The following SMC1A variants were observed in gnomAD, a reference collection of about 807,000 sequenced individuals.
The protein encoded by SMC1A is structural maintenance of chromosomes 1A.
A neutral mutation model predicts 94.5 loss-of-function variants in SMC1A; 4 were observed. That is an observed-to-expected ratio of 0.04 (90% CI 0.02 to 0.10). The LOEUF (loss-of-function observed/expected upper bound fraction) is 0.10. Ranked by LOEUF, SMC1A falls within the 10% of genes least tolerant of loss-of-function variation. The pLI is 1.00. For synonymous variants in SMC1A, 345 were observed against 347.7 expected (o/e 0.99, Z 0.09); for missense variants, 304 against 989.0 (o/e 0.31, Z 9.29).
intron 3 of SMC1A, 56 bp from the exon 4 acceptor site, chrX:53,413,491 T>C (rs2075721161): frequency 1.8e-6 from 2 of 1,082,509 alleles, no homozygotes; most frequent in South Asian, 3.8e-5. Context: ...CAGTTCACCT[T>C]ACCCATTTCC....
At position 53,382,539 on chromosome X, in the gene SMC1A, G is replaced by A. The variant is rs587784417; in HGVS notation, c.3252C>T (p.Ile1084=). The A allele has an allele frequency of 3.3e-6, 4 of 1,209,182 alleles. No homozygotes were observed. The highest frequency in any genetic ancestry group is 1.8e-5 in the South Asian group (1 of 56,605). ...TGCTATTGCGGGACAGGGCCTTATA[G>A]ATCTCATCAATGTTGGTAGCCACAG... ...FESVATNIDE[I]YKALSRNSSA... The change falls in exon 21 of 25, where the codon ATC becomes ATT. Residue 1084 remains isoleucine, a synonymous_variant. Transcript: ENST00000322213.
chrX:53,411,710 A>G (rs1159146258), intron 7 of SMC1A, 51 bp downstream of exon 7: 48 of 1,177,172 alleles, frequency 4.1e-5, no homozygotes, highest in Non-Finnish European at 5.3e-5. Context: ...CTCAACCTAT[A>G]TATATCCTTT....
rs997523692 is a variant in SMC1A at position 53,403,961 on chromosome X, T to A, written c.2197-68A>T. ...TGGAGAAAAAGCTACCTTGACTGCA[T>A]TGGCCCCACAGTCAGGAAGGGCTAG... is the stretch of plus-strand genomic sequence containing the variant. On this transcript the variant is annotated intron_variant, in intron 13 of 24. Coordinates refer to ENST00000322213, the MANE Select transcript of SMC1A (RefSeq NM_006306.4). The A allele has an allele frequency of 4.0e-6, 3 of 754,547 alleles. No individual in the cohort carries two copies. In the African/African-American group the frequency reaches 6.2e-5, roughly 16 times the overall value. 62.2% of individuals were successfully genotyped at this position (754,547 alleles called of 1,213,427 possible).
intron 15 of SMC1A, among the ~76,000 whole-genome samples, chrX:53,402,859 ACT>A (rs1425732372): frequency 1.1e-5 from 1 of 87,969 alleles, no homozygotes; most frequent in Non-Finnish European, 2.2e-5. Context: ...ACAGAGCAAG[ACT>A]CTGTCTCAAA....
chrX:53,382,541 T>C lies in SMC1A; in HGVS notation c.3250A>G (p.Ile1084Val). 5.0e-6 allele frequency: 6 copies of C among 1,210,701 alleles called. No individual in the cohort carries two copies. Among genetic ancestry groups the C allele is most frequent in the Non-Finnish European group, 5.6e-6 (5 of 895,064 alleles). The stretch of plus-strand genomic sequence containing the variant: ...CTATTGCGGGACAGGGCCTTATAGA[T>C]CTCATCAATGTTGGTAGCCACAGAT... Reference protein sequence around the residue: ...FESVATNIDEIYKALSRNSSA... With the variant: ...FESVATNIDEVYKALSRNSSA... Residue 1084 changes from isoleucine (I) to valine (V), a missense_variant, in exon 21 of 25, where the codon ATC becomes GTC. By Grantham distance (29) the Ile-to-Val change is conservative (BLOSUM62 3). This residue lies in a region of SMC1A where 17 missense variants were observed against 38.8 expected (regional missense o/e 0.44). Coordinates refer to ENST00000322213, the MANE Select transcript of SMC1A (RefSeq NM_006306.4).
intron 15 of SMC1A, among the ~76,000 whole-genome samples, chrX:53,403,009 A>T (rs1337916178): frequency 9.9e-6 from 1 of 100,692 alleles, no homozygotes; most frequent in East Asian, 3.1e-4. Context: ...CTCTACAATA[A>T]CAACAACAAC....
rs1556890154 is a variant in SMC1A, at chrX:53,409,205, G to A, written c.1402C>T (p.Arg468Trp). The A allele has an allele frequency of 8.3e-7, 1 of 1,210,781 alleles. No individual in the cohort carries two copies. Among genetic ancestry groups the A allele is most frequent in the Admixed American group, 2.2e-5 (1 of 45,935 alleles). ...TCCTTATTGATTTCATCAATACGCCGCTTGGCCATCTCCACCTCCTCTGTC... is the reference window on the plus strand; with the variant it reads ...TCCTTATTGATTTCATCAATACGCCACTTGGCCATCTCCACCTCCTCTGTC... ...ELTEEVEMAKRRIDEINKELN... is the reference protein window; with the variant it reads ...ELTEEVEMAKWRIDEINKELN... Residue 468 changes from arginine (R) to tryptophan (W), a missense_variant, in exon 9 of 25, where the codon CGG (arginine) becomes TGG (tryptophan). This residue lies in a region of SMC1A where 120 missense variants were observed against 314.9 expected (regional missense o/e 0.38). Transcript: ENST00000322213.
chrX:53,396,449 A>G (rs1311123232), intron 17 of SMC1A, 23 bp downstream of exon 17: 1 of 1,209,721 alleles, frequency 8.3e-7, no homozygotes, highest in Non-Finnish European at 1.1e-6. Flanking sequence ...ACGTCCTCCC[A>G]CCCCAGGCCT....
Position 53,396,263 on chromosome X carries a change from C to T in SMC1A, c.2826G>A (p.Leu942=). 1 of 1,211,473 alleles carries T rather than the reference C, an allele frequency of 8.3e-7. No homozygotes were observed. The highest frequency in any genetic ancestry group is 1.1e-6 in the Non-Finnish European group (1 of 895,293). The change falls in exon 18 of 25, where the codon CTG becomes CTA. Residue 942 remains leucine (L), a synonymous_variant. Transcript: ENST00000322213. ...ACKMQDIKLP[L]SKGTMDDISQ... ...TAATATCATCCATGGTGCCTTTTGA[C>T]AGTGGCAACTTAATGTCCTGCATCT...
At chrX:53,395,149 C>A (rs782054496) in intron 18 of SMC1A, among the ~76,000 whole-genome samples, 77 of 111,685 alleles carry the variant, frequency 6.9e-4, no homozygotes, top group Non-Finnish European at 2.3e-4. Flanking sequence ...TTGAGACCAG[C>A]CTGGCCAACA....
At chrX:53,392,074 C>T (rs2075631581) in intron 19 of SMC1A, among the ~76,000 whole-genome samples, 1 of 111,174 alleles carries the variant, frequency 9.0e-6, no homozygotes, top group Admixed American at 9.6e-5. Context: ...AATAGTAATA[C>T]CACTATTACA....
intron 23 of SMC1A, 43 bp from the exon 24 acceptor site, chrX:53,380,773 AAC>A (rs2075579370): frequency 1.1e-6 from 1 of 931,506 alleles, no homozygotes; most frequent in Non-Finnish European, 1.6e-6. Context: ...CTCAAACCTT[AAC>A]AGTCCCCAGT....
Position 53,413,030 on chromosome X carries a change from G to A in SMC1A, c.724C>T (p.Leu242=). Residue 242 remains leucine (L), a synonymous_variant, in exon 5 of 25, where the codon CTG becomes TTG. Coordinates refer to ENST00000322213, the MANE Select transcript of SMC1A (RefSeq NM_006306.4). ...TCGATCTCCTTGTTCTTTGAGGCCA[G>A]TTCCTTGTTGAGCTTCTCAATTTCC... ...EVEIEKLNKE[L]ASKNKEIEKD... is the part of the protein sequence containing the mutation. 1 of 1,211,241 alleles carries A rather than the reference G, an allele frequency of 8.3e-7. No individual in the cohort carries two copies. The highest frequency in any genetic ancestry group is 1.1e-6 in the Non-Finnish European group (1 of 895,101).
At chrX:53,389,842 CTTTTTTTTTTTTTTT>C (rs1193457348) in intron 19 of SMC1A, among the ~76,000 whole-genome samples, 1 of 55,092 alleles carries the variant, frequency 1.8e-5, no homozygotes, top group Non-Finnish European at 3.2e-5. Flanking sequence ...TCCAGAATTT[CTTTTTTTTTTTTTTT>C]TTTTTTTTTT....
intron 23 of SMC1A, 44 bp downstream of exon 23, chrX:53,380,974 G>T (rs201231838): frequency 9.0e-7 from 1 of 1,113,136 alleles, no homozygotes. Context: ...ACCCAACCCC[G>T]ACCTGGGGGC....
In SMC1A at chrX:53,377,911, C is replaced by A. The variant is rs2075566153; in HGVS notation, c.*2192G>T. The stretch of plus-strand genomic sequence containing the variant: ...GCTCGTCCATAAAGGCCAGCATTTG[C>A]CAAATTATGGCACACAGTACCACCA... On this transcript the variant is annotated 3_prime_UTR_variant, in exon 25 of 25. Transcript: ENST00000322213. The A allele has an allele frequency of 8.9e-6, 1 of 112,007 alleles. No homozygotes were observed. The highest frequency in any genetic ancestry group is 1.9e-5 in the Non-Finnish European group (1 of 53,181). The allele number at this position is 112,007 out of a possible 1,213,427, so 9.2% of individuals were successfully genotyped here.
chrX:53,416,080 T>A (rs2075730688), intron 1 of SMC1A, among the ~76,000 whole-genome samples: 1 of 109,421 alleles, frequency 9.1e-6, no homozygotes, highest in Admixed American at 9.8e-5. Flanking sequence ...GGCAGGTGGA[T>A]CACCTGAGGT....
chrX:53,392,321 G>A (rs1221181985), intron 19 of SMC1A, among the ~76,000 whole-genome samples: 1 of 108,984 alleles, frequency 9.2e-6, no homozygotes, highest in Non-Finnish European at 1.9e-5. Context: ...GAACCTGGGA[G>A]GCAGAGCTTG....
chrX:53,399,442 C>T (rs1199094995), intron 16 of SMC1A, 147 bp downstream of exon 16: 9 of 520,940 alleles, frequency 1.7e-5, no homozygotes, highest in Non-Finnish European at 1.9e-5. Flanking sequence ...TGACATTTAT[C>T]CATTTTTCCC....
Sources: allele counts gnomAD v4.1 joint callset (sites outside exome capture counted in the v4.1 genomes callset), GRCh38; gene constraint gnomAD v4.1.1; regional missense constraint gnomAD v4.1.1; transcripts MANE v1.5; gene names NCBI Gene and HGNC (gene_info 2026-07-23, HGNC 2026-07-21).